ADAM12: variants seen among roughly 807,000 people sequenced by gnomAD.
ADAM12 encodes the protein disintegrin and metalloproteinase domain-containing protein 12.
A neutral mutation model predicts 106.4 loss-of-function variants in ADAM12; 70 were observed. That is an observed-to-expected ratio of 0.66 (90% confidence interval 0.54 to 0.80). ADAM12 has a LOEUF of 0.80. Ranked by LOEUF, ADAM12 falls within the 30% of genes least tolerant of loss-of-function variation. The pLI, the probability that ADAM12 is intolerant of heterozygous loss-of-function variation, is 0.00. For missense variants in ADAM12, 1,010 were observed against 1,171.9 expected (o/e 0.86, Z 2.02); for synonymous variants, 420 against 433.5 (o/e 0.97, Z 0.39).
intron 18 of ADAM12, chr10:126,041,193 C>T (rs1386122112): frequency 6.1e-6 from 2 of 327,700 alleles, no homozygotes; most frequent in Non-Finnish European, 8.7e-6. Context: ...TAATGTCTCT[C>T]CAGGACCCAG....
intron 17 of ADAM12, among the ~76,000 whole-genome samples, chr10:126,045,165 G>A (rs1954282465): frequency 6.6e-6 from 1 of 152,206 alleles, no homozygotes; most frequent in Non-Finnish European, 1.5e-5. Context: ...CCACAGCTCA[G>A]GGCCTGGCTT....
intron 2 of ADAM12, among the ~76,000 whole-genome samples, chr10:126,288,524 A>G (rs558484005): frequency 6.6e-6 from 1 of 152,296 alleles, no homozygotes; most frequent in South Asian, 2.1e-4. Context: ...TGCAAAATAC[A>G]AGGTAAAGAG....
chr10:126,359,275 C>T (rs1010380707), intron 1 of ADAM12, among the ~76,000 whole-genome samples: 4 of 152,188 alleles, frequency 2.6e-5, no homozygotes, highest in Non-Finnish European at 5.9e-5. Flanking sequence ...CATGTCCTCA[C>T]ATTTCAAAAC....
intron 11 of ADAM12, among the ~76,000 whole-genome samples, chr10:126,072,197 A>C (rs928525891): frequency 2.0e-5 from 3 of 152,154 alleles, no homozygotes; most frequent in African/African-American, 4.8e-5. Context: ...CACAGTTGTA[A>C]GAGAATGGAG....
intron 6 of ADAM12, among the ~76,000 whole-genome samples, chr10:126,112,609 A>C (rs568813622): frequency 6.6e-6 from 1 of 152,264 alleles, no homozygotes; most frequent in African/African-American, 2.4e-5. Context: ...ATCAGCCTGC[A>C]ATGAGGACTC....
chr10:126,188,822 T>G (rs1292192489), intron 3 of ADAM12, among the ~76,000 whole-genome samples: 1 of 152,128 alleles, frequency 6.6e-6, no homozygotes, highest in Non-Finnish European at 1.5e-5. Flanking sequence ...TCAAGCCATT[T>G]ATCATCCATC....
At chr10:126,182,917 C>T (rs958411936) in intron 3 of ADAM12, among the ~76,000 whole-genome samples, 7 of 152,228 alleles carry the variant, frequency 4.6e-5, no homozygotes, top group Non-Finnish European at 7.3e-5. Context: ...GATACCTGTC[C>T]GTGGCCTGTT....
chr10:126,297,888 C>T (rs1043213026), intron 2 of ADAM12, among the ~76,000 whole-genome samples: 5 of 152,076 alleles, frequency 3.3e-5, no homozygotes, highest in African/African-American at 1.2e-4. Context: ...AAAAACCTCA[C>T]CAGAACTTCC....
chr10:126,106,214 G>A (rs1462816051), intron 8 of ADAM12, among the ~76,000 whole-genome samples: 1 of 152,114 alleles, frequency 6.6e-6, no homozygotes, highest in Non-Finnish European at 1.5e-5. Context: ...AAGAGCCCCT[G>A]CTGCTGGGAG....
intron 21 of ADAM12, among the ~76,000 whole-genome samples, chr10:126,033,795 C>A (rs1388888555): frequency 6.6e-6 from 1 of 152,082 alleles, no homozygotes; most frequent in Non-Finnish European, 1.5e-5. Context: ...ACCATGGAGT[C>A]CAGAAGGAAG....
intron 2 of ADAM12, among the ~76,000 whole-genome samples, chr10:126,326,132 T>A (rs758738297): frequency 6.6e-6 from 1 of 152,096 alleles, no homozygotes; most frequent in African/African-American, 2.4e-5. Context: ...ACCAGCAATC[T>A]GGCATTGGAT....
At chr10:126,350,921 G>A (rs567494798) in intron 1 of ADAM12, among the ~76,000 whole-genome samples, 4 of 152,260 alleles carry the variant, frequency 2.6e-5, no homozygotes, top group Admixed American at 1.3e-4. Context: ...GCCGACCCCC[G>A]GAGCCCTGCC....
chr10:126,264,209 G>A lies in ADAM12; in HGVS notation c.260+14706C>T, dbSNP rs569542138. Among the ~76,000 whole-genome samples, 29 of 152,310 alleles carry A rather than the reference G, an allele frequency of 1.9e-4. No homozygotes were observed. The South Asian group carries it at 4.8e-3, about 25-fold the overall frequency. ...ACTCCCAAGGAACTTCTGTGATGCT[G>A]ATATTTGCTTAATGGGTGCTGGCCG... On this transcript the variant is annotated intron_variant, in intron 3 of 22. Coordinates refer to ENST00000448723, the MANE Select transcript of ADAM12 (RefSeq NM_001288973.2).
chr10:126,080,842 A>G (rs1955198452), intron 11 of ADAM12, among the ~76,000 whole-genome samples: 1 of 152,216 alleles, frequency 6.6e-6, no homozygotes, highest in African/African-American at 2.4e-5. Context: ...CAAAGCTGCC[A>G]AGTAAAATAT....
intron 2 of ADAM12, among the ~76,000 whole-genome samples, chr10:126,284,488 T>C (rs1959751346): frequency 6.6e-6 from 1 of 152,216 alleles, no homozygotes; most frequent in African/African-American, 2.4e-5. Context: ...CTCTGAGTCC[T>C]GATGTTTGGT....
chr10:126,269,432 G>T (rs1240856974), intron 3 of ADAM12, among the ~76,000 whole-genome samples: 1 of 152,106 alleles, frequency 6.6e-6, no homozygotes, highest in Non-Finnish European at 1.5e-5. Context: ...TAGTTTTATT[G>T]TCATAAGCAA....
chr10:126,187,553 T>C (rs553722637), intron 3 of ADAM12, among the ~76,000 whole-genome samples: 1 of 152,228 alleles, frequency 6.6e-6, no homozygotes, highest in South Asian at 2.1e-4. Context: ...CAGGTCGGTG[T>C]TGTGGGATGC....
At position 126,053,289 on chromosome 10, in the gene ADAM12, G is replaced by A. The variant is rs1249962335; in HGVS notation, c.1610-3620C>T. On this transcript the variant is annotated intron_variant, in intron 14 of 22. Coordinates refer to ENST00000448723, the MANE Select transcript of ADAM12 (RefSeq NM_001288973.2). This position sits in a 1 kb window ranked among gnomAD's most constrained non-coding sequence, Gnocchi z 4.6. ...TTCTTTATAAATTACCCAGTCTCAG[G>A]TATTTATTTATTTATAGCAGTGTGA... 6.6e-6 allele frequency among the ~76,000 whole-genome samples: 1 copy of A among 152,032 alleles called. No homozygotes were observed. Among genetic ancestry groups the A allele is most frequent in the African/African-American group, 2.4e-5 (1 of 41,374 alleles).
Position 126,388,008 on chromosome 10 carries a change from C to T in ADAM12, c.88+50G>A. Reference sequence around the variant, plus strand: ...CCTCGGCGCGCCCAGGCGCAGCGTGCGGTGCCCTCGGCGGGGCGGGCAGCG... The same window carrying T: ...CCTCGGCGCGCCCAGGCGCAGCGTGTGGTGCCCTCGGCGGGGCGGGCAGCG... On this transcript the variant is annotated intron_variant, in intron 1 of 22. Coordinates refer to ENST00000448723, the MANE Select transcript of ADAM12 (RefSeq NM_001288973.2). This position sits in a 1 kb window ranked among gnomAD's most constrained non-coding sequence, Gnocchi z 4.4. The T allele has an allele frequency of 8.4e-7, 1 of 1,192,696 alleles. No individual in the cohort carries two copies. 73.9% of individuals were successfully genotyped at this position (1,192,696 alleles called of 1,614,324 possible).
Sources: gnomAD v4.1 joint callset for allele counts (sites outside exome capture counted in the v4.1 genomes callset) on GRCh38, gnomAD v4.1.1 for gene constraint, Gnocchi (gnomAD v3.1) non-coding constraint, MANE v1.5 for transcripts, NCBI Gene and HGNC (gene_info 2026-07-23, HGNC 2026-07-21) for gene names.